The following DZIP1 variants were observed in gnomAD, a reference collection of about 807,000 sequenced individuals.
DZIP1 encodes DAZ interacting zinc finger protein 1.
A neutral mutation model predicts 107.6 loss-of-function variants in DZIP1; 97 were observed. The ratio of observed to expected loss-of-function variants is 0.90; its 90% CI spans 0.77 to 1.07. The LOEUF is 1.07. Ranked by LOEUF, DZIP1 falls within the 50% of genes least tolerant of loss-of-function variation. The pLI is 0.00. For synonymous variants in DZIP1, 390 were observed against 386.4 expected, an observed-to-expected ratio of 1.01 and a Z score of -0.11; for missense variants, 1,035 against 1,063.6, an observed-to-expected ratio of 0.97 and a Z score of 0.37.
chr13:95,630,092 A>G lies in DZIP1; in HGVS notation c.707T>C (p.Ile236Thr), dbSNP rs1443066653. The change falls in exon 7 of 23, where the codon ATT becomes ACT. Residue 236 changes from isoleucine (I) to threonine (T), a missense_variant. Ile to Thr is a moderately conservative substitution (Grantham distance 89). Coordinates refer to ENST00000376829, the MANE Select transcript of DZIP1 (RefSeq NM_198968.4). ...SHFEYQKNAQ[I>T]EKLRSEIVVL... Reference sequence around the variant, plus strand: ...GACGATCTCACTCCGGAGCTTCTCAATCTGTGCATTTTTCTGATACTCTGT... The same window carrying G: ...GACGATCTCACTCCGGAGCTTCTCAGTCTGTGCATTTTTCTGATACTCTGT... 7 of 1,611,586 alleles carry G rather than the reference A, an allele frequency of 4.3e-6. No individual in the cohort carries two copies. The highest frequency in any genetic ancestry group is 2.2e-5 in the South Asian group (2 of 90,530).
intron 14 of DZIP1, among the ~76,000 whole-genome samples, chr13:95,599,640 C>G (rs189803288): frequency 6.6e-5 from 10 of 152,316 alleles, no homozygotes; most frequent in Admixed American, 3.9e-4. Context: ...TAACTACACT[C>G]TACAGAAATT....
chr13:95,633,448 C>G, intron 5 of DZIP1, 127 bp from the exon 6 acceptor site: 1 of 726,708 alleles, frequency 1.4e-6, no homozygotes, highest in Non-Finnish European at 2.3e-6. Flanking sequence ...TTTAGGAGGT[C>G]AAGGTAGGCA....
chr13:95,603,216 A>G (rs2044669152), intron 14 of DZIP1, among the ~76,000 whole-genome samples: 1 of 138,802 alleles, frequency 7.2e-6, no homozygotes, highest in Non-Finnish European at 1.5e-5. Flanking sequence ...ACTACGTGGG[A>G]GGATCACTTG....
rs1878431884 is a variant in DZIP1, at chr13:95,641,069, C to CCA, written c.597+224_597+225dup. Among the ~76,000 whole-genome samples, 1 of 152,154 alleles carries CCA rather than the reference C, an allele frequency of 6.6e-6. No individual in the cohort carries two copies. The highest frequency in any genetic ancestry group is 2.4e-5 in the African/African-American group (1 of 41,416). ...GCATTTAGATAACTTCCATAAAGCA[C>CCA]CACAGACGACATTTGTTGTTTAATT... On this transcript the variant is annotated intron_variant, in intron 5 of 22. Coordinates refer to ENST00000376829, the MANE Select transcript of DZIP1 (RefSeq NM_198968.4). The surrounding 1 kb of genome is among the most constrained non-coding windows in gnomAD (Gnocchi z 4.3).
In DZIP1 at chr13:95,582,320, G is replaced by A. The variant is rs751065560; in HGVS notation, c.2525-7C>T. On this transcript the variant is annotated splice_polypyrimidine_tract_variant and splice_region_variant and intron_variant, in intron 22 of 22. Transcript: ENST00000376829. ...GATTCATTTTCTTGAAGTCCTGTAA[G>A]TGGTGGGTAGAGGCAGAAGAGAAGG... 3.7e-6 allele frequency: 6 copies of A among 1,613,800 alleles called. No homozygotes were observed. Among genetic ancestry groups the A allele is most frequent in the Non-Finnish European group, 5.1e-6 (6 of 1,179,692 alleles).
chr13:95,630,864 ATGAG>A, intron 6 of DZIP1: 1 of 588,142 alleles, frequency 1.7e-6, no homozygotes, highest in Non-Finnish European at 2.8e-6. Context: ...TGAAACGAGT[ATGAG>A]TTAGAATAAG....
chr13:95,607,097 A>G (rs2044806634), intron 13 of DZIP1, among the ~76,000 whole-genome samples: 1 of 152,072 alleles, frequency 6.6e-6, no homozygotes, highest in Non-Finnish European at 1.5e-5. Flanking sequence ...CCCAGGGTGG[A>G]GTGCAGTGGC....
At position 95,589,844 on chromosome 13, in the gene DZIP1, A is replaced by C. The variant is rs147610394; in HGVS notation, c.1932T>G (p.Ile644Met). The change falls in exon 18 of 23, where the codon ATT becomes ATG. Residue 644 changes from isoleucine (I) to methionine (M), a missense_variant. Coordinates refer to ENST00000376829, the MANE Select transcript of DZIP1 (RefSeq NM_198968.4). ...IQLPSKNRQL[I>M]RQKAVSTDRT... is the part of the protein sequence containing the mutation. ...TATCAGTAGAAACAGCTTTTTGTCTAATCAGTTGTCTGTTTTTGGAAGGAA... is the reference window on the plus strand; with the variant it reads ...TATCAGTAGAAACAGCTTTTTGTCTCATCAGTTGTCTGTTTTTGGAAGGAA... 3 of 1,614,162 alleles carry C rather than the reference A, an allele frequency of 1.9e-6. No individual in the cohort carries two copies. Among genetic ancestry groups the C allele is most frequent in the South Asian group, 2.2e-5 (2 of 91,078 alleles).
intron 7 of DZIP1, 21 bp from the exon 8 acceptor site, chr13:95,624,950 A>G (rs746815943): frequency 1.3e-6 from 2 of 1,567,470 alleles, no homozygotes; most frequent in Admixed American, 3.9e-5. Context: ...TTTAATACAC[A>G]TCTTTAAAAG....
At chr13:95,617,632 T>C (rs1875284172) in intron 10 of DZIP1, among the ~76,000 whole-genome samples, 1 of 150,500 alleles carries the variant, frequency 6.6e-6, no homozygotes, top group Non-Finnish European at 1.5e-5. Context: ...AAGGCCAGAA[T>C]GTTCTAGAAA....
intron 15 of DZIP1, among the ~76,000 whole-genome samples, chr13:95,595,532 T>C (rs2044422422): frequency 6.6e-6 from 1 of 152,190 alleles, no homozygotes; most frequent in Non-Finnish European, 1.5e-5. Flanking sequence ...CACCAATGTT[T>C]ACAAATATTC....
intron 6 of DZIP1, chr13:95,630,677 C>A (rs1877088174): frequency 4.2e-6 from 5 of 1,188,874 alleles, no homozygotes; most frequent in Middle Eastern, 2.4e-4. Context: ...AAGGAAGCAA[C>A]AAGTGAAAGG....
intron 22 of DZIP1, chr13:95,584,461 C>A (rs1481006163): frequency 8.7e-6 from 4 of 461,564 alleles, no homozygotes; most frequent in Non-Finnish European, 1.1e-5. Flanking sequence ...GCCTGGGTGA[C>A]AATAACACCG....
rs1197114378 is a variant in DZIP1, at chr13:95,580,344, A to C, written c.*1890T>G. On this transcript the variant is annotated 3_prime_UTR_variant, in exon 23 of 23. Coordinates refer to ENST00000376829, the MANE Select transcript of DZIP1 (RefSeq NM_198968.4). ...ATAGTGAGACTCTGTCTCAAAAAAA[A>C]AAAAAAAAAAAGATACAACTAACCA... The C allele has an allele frequency of 1.3e-5, 2 of 152,040 alleles. No individual in the cohort carries two copies. Among genetic ancestry groups the C allele is most frequent in the Non-Finnish European group, 2.9e-5 (2 of 68,066 alleles). The allele number at this position is 152,040 out of a possible 1,614,324, so 9.4% of individuals were successfully genotyped here. A position where few individuals can be genotyped will look rare whatever the true frequency, so the allele number is the denominator to read the frequency against.
At chr13:95,621,714 G>GTGTGTATT in intron 9 of DZIP1, among the ~76,000 whole-genome samples, 1 of 125,890 alleles carries the variant, frequency 7.9e-6, no homozygotes, top group Non-Finnish European at 1.6e-5. Flanking sequence ...GTGTGTGTGT[G>GTGTGTATT]TATTTATTTA....
At chr13:95,584,201 T>C (rs1367936052) in intron 22 of DZIP1, among the ~76,000 whole-genome samples, 3 of 151,100 alleles carry the variant, frequency 2.0e-5, no homozygotes, top group Non-Finnish European at 2.9e-5. Context: ...GGTCTCAATC[T>C]CTTGACCTCG....
rs539386520 is a variant in DZIP1 at position 95,606,117 on chromosome 13, G to A, written c.1421-58C>T. On this transcript the variant is annotated intron_variant, in intron 13 of 22. Coordinates refer to ENST00000376829, the MANE Select transcript of DZIP1 (RefSeq NM_198968.4). ...TTCCATAATTAAAGCATAAGCATCC[G>A]AACATGATGGTAGCCAAATATGCCG... 2.8e-4 allele frequency: 435 copies of A among 1,562,602 alleles called. 5 individuals carry two copies. The South Asian group carries it at 2.8e-3, about 10-fold the overall frequency.
intron 7 of DZIP1, among the ~76,000 whole-genome samples, chr13:95,627,274 G>C (rs1876654150): frequency 6.6e-6 from 1 of 152,152 alleles, no homozygotes; most frequent in African/African-American, 2.4e-5. Context: ...ATAGTCTCTT[G>C]AAAAATTGGC....
chr13:95,640,644 CAGT>C (rs1878381317), intron 5 of DZIP1, among the ~76,000 whole-genome samples: 1 of 152,030 alleles, frequency 6.6e-6, no homozygotes, highest in African/African-American at 2.4e-5. Context: ...TAACCCAAAA[CAGT>C]AGAAGATTAA....
Sources: allele counts gnomAD v4.1 joint callset (sites outside exome capture counted in the v4.1 genomes callset), GRCh38; gene constraint gnomAD v4.1.1; non-coding constraint Gnocchi (gnomAD v3.1); transcripts MANE v1.5; gene names NCBI Gene and HGNC (gene_info 2026-07-23, HGNC 2026-07-21).